FNDC1: variants seen among roughly 807,000 people sequenced by gnomAD.
FNDC1 encodes fibronectin type III domain containing 1, also known as fibronectin type III domain-containing protein 1.
FNDC1 carries 96 observed loss-of-function variants against 168.0 expected under a neutral mutation model. That is an observed-to-expected ratio of 0.57 (90% CI 0.48 to 0.68). The LOEUF is 0.68. Among genes scored for constraint, FNDC1 ranks in the 30% least tolerant of loss-of-function variants. The pLI is 0.00. For missense variants in FNDC1, 2,587 were observed against 2,482.1 expected (o/e 1.04, Z -0.90); for synonymous variants, 1,099 against 1,025.9 (o/e 1.07, Z -1.36).
intron 4 of FNDC1, among the ~76,000 whole-genome samples, chr6:159,202,650 G>C (rs996447547): frequency 6.6e-6 from 1 of 152,190 alleles, no homozygotes; most frequent in Non-Finnish European, 1.5e-5. Flanking sequence ...CTGCAGTTCT[G>C]ATTCCAGAAG....
chr6:159,260,104 T>TG (rs553395302), intron 18 of FNDC1, among the ~76,000 whole-genome samples: 28 of 152,362 alleles, frequency 1.8e-4, no homozygotes, highest in African/African-American at 6.3e-4. Context: ...AACATTTAAG[T>TG]GTGACATTCT....
chr6:159,195,035 C>T (rs545434098), intron 1 of FNDC1, among the ~76,000 whole-genome samples: 5 of 151,836 alleles, frequency 3.3e-5, no homozygotes, highest in South Asian at 4.2e-4. Flanking sequence ...GTGTGTGGTG[C>T]GGTGGGTGGG....
chr6:159,223,500 C>G (rs1313125221), intron 6 of FNDC1, 28 bp from the exon 7 acceptor site: 7 of 1,502,338 alleles, frequency 4.7e-6, no homozygotes, highest in Non-Finnish European at 5.5e-6. Flanking sequence ...GAGAGAAAGC[C>G]TTTCTCTGGG....
At position 159,256,406 on chromosome 6, in the gene FNDC1, A is replaced by C. The variant is rs1446247157; in HGVS notation, c.5066-117A>C. On this transcript the variant is annotated intron_variant, in intron 17 of 22. Coordinates refer to ENST00000297267, the MANE Select transcript of FNDC1 (RefSeq NM_032532.3). Reference sequence around the variant, plus strand: ...CAGTGCCGCGTGCCCTCCTTCCTGTAGTTCCCACATGGAGCTGCATCTGCA... The same window carrying C: ...CAGTGCCGCGTGCCCTCCTTCCTGTCGTTCCCACATGGAGCTGCATCTGCA... 8 of 734,324 alleles carry C rather than the reference A, an allele frequency of 1.1e-5. No homozygotes were observed. The African/African-American group carries it at 1.4e-4, about 13-fold the overall frequency. 45.5% of individuals were successfully genotyped at this position (734,324 alleles called of 1,614,324 possible).
intron 14 of FNDC1, among the ~76,000 whole-genome samples, chr6:159,246,611 A>G (rs1777137185): frequency 1.3e-5 from 2 of 152,074 alleles, no homozygotes; most frequent in South Asian, 4.1e-4. Flanking sequence ...GAGGGAGGTG[A>G]GAGAGAGCTT....
At chr6:159,178,647 T>C (rs1466955950) in intron 1 of FNDC1, among the ~76,000 whole-genome samples, 4 of 152,152 alleles carry the variant, frequency 2.6e-5, no homozygotes, top group Non-Finnish European at 1.5e-5. Context: ...TAAATGCCGT[T>C]CTACAGTATG....
chr6:159,176,307 G>C (rs1781760306), intron 1 of FNDC1, among the ~76,000 whole-genome samples: 1 of 152,204 alleles, frequency 6.6e-6, no homozygotes, highest in Non-Finnish European at 1.5e-5. Flanking sequence ...AAGGGTTACT[G>C]GGAGTCAGAC....
intron 5 of FNDC1, among the ~76,000 whole-genome samples, chr6:159,220,640 A>T (rs746126556): frequency 2.8e-4 from 43 of 152,242 alleles, no homozygotes; most frequent in Non-Finnish European, 6.0e-4. Flanking sequence ...CCTGGGTCTC[A>T]GACTTTATGA....
At position 159,232,806 on chromosome 6, in the gene FNDC1, C is replaced by T. The variant is rs773046708; in HGVS notation, c.2294C>T (p.Ser765Phe). The T allele has an allele frequency of 3.1e-6, 5 of 1,613,998 alleles. No homozygotes were observed. Among genetic ancestry groups the T allele is most frequent in the Middle Eastern group, 1.6e-4 (1 of 6,062 alleles). ...SNAPSRSTMS[S>F]SVSSHLSSRT... ...GCGCCATCACGGTCCACCATGTCCT[C>T]CTCCGTCTCTTCTCATCTCTCGTCC... is the stretch of plus-strand genomic sequence containing the variant. Residue 765 changes from serine (S) to phenylalanine (F), a missense_variant, in exon 11 of 23, where the codon TCC becomes TTC. Physicochemically the swap from Ser to Phe is radical, Grantham distance 155. Coordinates refer to ENST00000297267, the MANE Select transcript of FNDC1 (RefSeq NM_032532.3). This position sits in a 1 kb window ranked among gnomAD's most constrained non-coding sequence, Gnocchi z 4.9.
intron 4 of FNDC1, among the ~76,000 whole-genome samples, chr6:159,212,240 C>A (rs1484349262): frequency 1.3e-5 from 2 of 152,240 alleles, no homozygotes; most frequent in African/African-American, 4.8e-5. Context: ...GTTTGAAGTA[C>A]ATTCAGCGCT....
At position 159,225,546 on chromosome 6, in the gene FNDC1, T is replaced by A. The variant is rs1422325249; in HGVS notation, c.896T>A (p.Val299Glu). 6.2e-7 allele frequency: 1 copy of A among 1,613,182 alleles called. No individual in the cohort carries two copies. ...GTGTTTTCTTACAGACAGTACACCG[T>A]GCGCTATCGAGAGAAGGGGGAATTG... is the stretch of plus-strand genomic sequence containing the variant. ...KKVVASRQYTVRYREKGELAR... is the reference protein window; with the variant it reads ...KKVVASRQYTERYREKGELAR... The change falls in exon 8 of 23, where the codon GTG (valine) becomes GAG (glutamate). Residue 299 changes from valine to glutamate, a missense_variant. Physicochemically the swap from Val to Glu is moderately radical, Grantham distance 121 (BLOSUM62 -2). Coordinates refer to ENST00000297267, the MANE Select transcript of FNDC1 (RefSeq NM_032532.3).
At chr6:159,236,374 G>T in intron 12 of FNDC1, 59 bp downstream of exon 12, 1 of 1,130,186 alleles carries the variant, frequency 8.8e-7, no homozygotes, top group South Asian at 1.3e-5. Context: ...AGAGAAAAAT[G>T]GTGGACATTG....
chr6:159,268,694 CCATCCATCTATCTATCCATTTATG>C (rs1777641683), intron 22 of FNDC1, among the ~76,000 whole-genome samples: 2 of 148,380 alleles, frequency 1.3e-5, no homozygotes, highest in Admixed American at 1.4e-4. Context: ...ATCTATCCAT[CCATCCATCTATCTATCCATTTATG>C]CATCCATCTA....
chr6:159,266,132 A>C lies in FNDC1; in HGVS notation c.5333A>C (p.Tyr1778Ser). 1 of 1,613,972 alleles carries C rather than the reference A, an allele frequency of 6.2e-7. No homozygotes were observed. The highest frequency in any genetic ancestry group is 1.3e-5 in the African/African-American group (1 of 75,054). ...IPFAFKHDPS[Y>S]TDCHGRQYVK... The stretch of plus-strand genomic sequence containing the variant: ...TTCGCTTTCAAACATGATCCCAGCT[A>C]CACGGACTGCCATGGACGGCAATAT... The change falls in exon 21 of 23, where the codon TAC becomes TCC. Residue 1778 changes from tyrosine (Y) to serine (S), a missense_variant. Transcript: ENST00000297267.
chr6:159,233,515 C>T lies in FNDC1; in HGVS notation c.3003C>T (p.Ala1001=). ...SVPRRMTPGR[A]PQQQPPPPVA... ...CCAGAAGGATGACACCCGGCCGGGC[C>T]CCACAACAGCAGCCCCCTCCTCCCG... The change falls in exon 11 of 23, where the codon GCC becomes GCT. Residue 1001 remains alanine (A), a synonymous_variant. Coordinates refer to ENST00000297267, the MANE Select transcript of FNDC1 (RefSeq NM_032532.3). The surrounding 1 kb of genome is among the most constrained non-coding windows in gnomAD (Gnocchi z 4.6). 6.2e-7 allele frequency: 1 copy of T among 1,601,762 alleles called. No individual in the cohort carries two copies. The highest frequency in any genetic ancestry group is 8.5e-7 in the Non-Finnish European group (1 of 1,177,206).
At chr6:159,173,309 G>A (rs563383994) in intron 1 of FNDC1, among the ~76,000 whole-genome samples, 2 of 152,250 alleles carry the variant, frequency 1.3e-5, no homozygotes, top group African/African-American at 4.8e-5. Flanking sequence ...ATTGAAGGAG[G>A]CTCCTTCCAT....
At chr6:159,181,638 G>A (rs552853225) in intron 1 of FNDC1, among the ~76,000 whole-genome samples, 2 of 152,306 alleles carry the variant, frequency 1.3e-5, no homozygotes, top group East Asian at 3.9e-4. Flanking sequence ...AGAACTGTAA[G>A]ATCAGGAAGA....
chr6:159,262,016 G>C (rs948520275), intron 19 of FNDC1, among the ~76,000 whole-genome samples: 3 of 152,198 alleles, frequency 2.0e-5, no homozygotes, highest in Non-Finnish European at 4.4e-5. Flanking sequence ...GCTGAAAAGG[G>C]AGGATGGTTT....
chr6:159,184,481 TG>T (rs1214312720), intron 1 of FNDC1, among the ~76,000 whole-genome samples: 8 of 152,346 alleles, frequency 5.3e-5, no homozygotes, highest in African/African-American at 1.9e-4. Flanking sequence ...TTATCTGAAA[TG>T]TTTTAAAAAT....
Sources: gnomAD v4.1 joint callset for allele counts (sites outside exome capture counted in the v4.1 genomes callset) on GRCh38, gnomAD v4.1.1 for gene constraint, Gnocchi (gnomAD v3.1) non-coding constraint, MANE v1.5 for transcripts, NCBI Gene and HGNC (gene_info 2026-07-23, HGNC 2026-07-21) for gene names.